The following SNTB1 variants were observed in gnomAD, a reference collection of about 807,000 sequenced individuals.
The protein encoded by SNTB1 is beta-1-syntrophin.
A neutral mutation model predicts 48.9 loss-of-function variants in SNTB1; 36 were observed. The ratio of observed to expected loss-of-function variants is 0.74; its 90% CI spans 0.56 to 0.97. The LOEUF (loss-of-function observed/expected upper bound fraction) is 0.97. Among genes scored for constraint, SNTB1 ranks in the 50% least tolerant of loss-of-function variants. The probability of loss-of-function intolerance (pLI) is 0.00; values close to 1 mark genes in which losing one functional copy is unlikely to be tolerated. For missense variants in SNTB1, 786 were observed against 703.4 expected, an observed-to-expected ratio of 1.12 and a Z score of -1.33; for synonymous variants, 299 against 294.6, an observed-to-expected ratio of 1.01 and a Z score of -0.15.
chr8:120,647,242 T>C (rs1398411828), intron 2 of SNTB1, among the ~76,000 whole-genome samples: 1 of 109,138 alleles, frequency 9.2e-6, no homozygotes, highest in Non-Finnish European at 2.0e-5. Flanking sequence ...TTTCTAGTTC[T>C]TCTAATTGTG....
chr8:120,764,779 A>C (rs1468324833), intron 1 of SNTB1, among the ~76,000 whole-genome samples: 2 of 152,210 alleles, frequency 1.3e-5, no homozygotes, highest in Non-Finnish European at 2.9e-5. Context: ...ATAAGTGTAG[A>C]CTTTAATAAG....
At chr8:120,586,300 T>C (rs1816138870) in intron 3 of SNTB1, among the ~76,000 whole-genome samples, 2 of 152,238 alleles carry the variant, frequency 1.3e-5, no homozygotes, top group African/African-American at 4.8e-5. Flanking sequence ...TCGTTTCCTA[T>C]TGGTGCTGCA....
At chr8:120,671,501 A>T (rs1311306998) in intron 2 of SNTB1, among the ~76,000 whole-genome samples, 1 of 152,336 alleles carries the variant, frequency 6.6e-6, no homozygotes, top group East Asian at 1.9e-4. Flanking sequence ...AATACCAAGG[A>T]TTAAAATACC....
intron 1 of SNTB1, among the ~76,000 whole-genome samples, chr8:120,799,440 G>A (rs540657186): frequency 1.3e-5 from 2 of 151,914 alleles, no homozygotes; most frequent in Non-Finnish European, 2.9e-5. Context: ...CAAAGATAAT[G>A]TGTCTACAAA....
chr8:120,655,877 T>C (rs1817494069), intron 2 of SNTB1, among the ~76,000 whole-genome samples: 1 of 152,154 alleles, frequency 6.6e-6, no homozygotes, highest in African/African-American at 2.4e-5. Context: ...CTCCATCATC[T>C]GGAAGGCAGG....
intron 3 of SNTB1, among the ~76,000 whole-genome samples, chr8:120,597,619 C>A (rs957725225): frequency 2.6e-5 from 4 of 152,214 alleles, no homozygotes; most frequent in Admixed American, 2.0e-4. Context: ...TAATTGATTG[C>A]CATTTTGGCA....
chr8:120,792,549 C>A (rs1393994824), intron 1 of SNTB1, among the ~76,000 whole-genome samples: 2 of 152,000 alleles, frequency 1.3e-5, no homozygotes, highest in African/African-American at 4.8e-5. Flanking sequence ...TTCATTCACT[C>A]ATTCTTCTCC....
intron 1 of SNTB1, among the ~76,000 whole-genome samples, chr8:120,807,607 C>A (rs535264491): frequency 6.2e-4 from 94 of 152,334 alleles, no homozygotes; most frequent in African/African-American, 2.2e-3. Flanking sequence ...TAGGGCTGGG[C>A]CATGTTACAG....
intron 1 of SNTB1, among the ~76,000 whole-genome samples, chr8:120,755,293 G>A (rs943550843): frequency 1.5e-4 from 23 of 152,062 alleles, no homozygotes; most frequent in African/African-American, 5.1e-4. Flanking sequence ...TCTGGGTGTA[G>A]ATTGAACTAA....
At chr8:120,700,084 C>T (rs899157166) in intron 1 of SNTB1, among the ~76,000 whole-genome samples, 4 of 151,944 alleles carry the variant, frequency 2.6e-5, no homozygotes, top group East Asian at 1.9e-4. Flanking sequence ...GAGGTGAATC[C>T]GGGTAGACTG....
At chr8:120,749,195 G>A (rs1819172633) in intron 1 of SNTB1, among the ~76,000 whole-genome samples, 1 of 152,180 alleles carries the variant, frequency 6.6e-6, no homozygotes, top group Non-Finnish European at 1.5e-5. Flanking sequence ...GGAGGTCTCG[G>A]CTGTAGCCTA....
At chr8:120,774,071 G>GT (rs1819688490) in intron 1 of SNTB1, among the ~76,000 whole-genome samples, 1 of 152,230 alleles carries the variant, frequency 6.6e-6, no homozygotes, top group Admixed American at 6.5e-5. Flanking sequence ...CTTAAGTTTT[G>GT]TTTGTGAAAC....
At chr8:120,601,466 C>T (rs1462965120) in intron 3 of SNTB1, among the ~76,000 whole-genome samples, 1 of 152,180 alleles carries the variant, frequency 6.6e-6, no homozygotes, top group Non-Finnish European at 1.5e-5. Context: ...AGCCTAACCC[C>T]ATCTCTAATC....
intron 1 of SNTB1, among the ~76,000 whole-genome samples, chr8:120,783,095 A>C (rs1819856935): frequency 1.3e-5 from 2 of 152,222 alleles, no homozygotes; most frequent in South Asian, 4.1e-4. Context: ...TGGCTTAACT[A>C]TTCTGGTTAA....
chr8:120,691,880 G>A (rs912251210), intron 2 of SNTB1, among the ~76,000 whole-genome samples: 1 of 152,148 alleles, frequency 6.6e-6, no homozygotes, highest in Admixed American at 6.5e-5. Context: ...TGAAAACTTT[G>A]ACATCAGATC....
intron 1 of SNTB1, among the ~76,000 whole-genome samples, chr8:120,701,929 A>G (rs886190590): frequency 6.6e-6 from 1 of 152,202 alleles, no homozygotes; most frequent in African/African-American, 2.4e-5. Flanking sequence ...AAATTGTCCT[A>G]TTTTAGACTA....
chr8:120,757,005 T>C (rs1347008828), intron 1 of SNTB1, among the ~76,000 whole-genome samples: 4 of 152,194 alleles, frequency 2.6e-5, no homozygotes, highest in Non-Finnish European at 5.9e-5. Flanking sequence ...CATTTTCCTT[T>C]CCTTTGGGGT....
intron 5 of SNTB1, 53 bp downstream of exon 5, chr8:120,548,709 A>AG: frequency 6.5e-7 from 1 of 1,536,056 alleles, no homozygotes; most frequent in Admixed American, 1.7e-5. Flanking sequence ...GGTGGAGTAG[A>AG]GGGTTCATCT....
intron 2 of SNTB1, among the ~76,000 whole-genome samples, chr8:120,654,601 G>A (rs10955984): frequency 0.22 from 33,697 of 151,974 alleles, 3,979 homozygotes; most frequent in Middle Eastern, 0.32. Flanking sequence ...GCTCACTCTC[G>A]ATGTCTGCCA....
Sources: allele counts gnomAD v4.1 joint callset (sites outside exome capture counted in the v4.1 genomes callset), GRCh38; gene constraint gnomAD v4.1.1; transcripts MANE v1.5; gene names NCBI Gene and HGNC (gene_info 2026-07-23, HGNC 2026-07-21).